The following NRXN1 variants were observed in gnomAD, a reference collection of about 807,000 sequenced individuals.
NRXN1 encodes neurexin-1.
A neutral mutation model predicts 150.9 loss-of-function variants in NRXN1; 39 were observed. The observed-to-expected ratio is 0.26, with a 90% confidence interval of 0.20 to 0.34. The LOEUF (loss-of-function observed/expected upper bound fraction) is 0.34. Among genes scored for constraint, NRXN1 ranks in the 10% least tolerant of loss-of-function variants. The pLI, the probability that NRXN1 is intolerant of heterozygous loss-of-function variation, is 1.00. For synonymous variants in NRXN1, 924 were observed against 757.0 expected (o/e 1.22, Z -3.62); for missense variants, 1,815 against 1,949.9 (o/e 0.93, Z 1.30).
chr2:50,912,413 C>A (rs1684648658), intron 5 of NRXN1, among the ~76,000 whole-genome samples: 1 of 151,708 alleles, frequency 6.6e-6, no homozygotes, highest in Non-Finnish European at 1.5e-5. Context: ...AAAAATTATC[C>A]CCTTGCCAAA....
chr2:50,013,695 G>T (rs1261115285), intron 21 of NRXN1, among the ~76,000 whole-genome samples: 1 of 152,092 alleles, frequency 6.6e-6, no homozygotes. Context: ...AAACCACTTG[G>T]TGGAAAACGT....
At chr2:50,823,604 T>G (rs1216468074) in intron 5 of NRXN1, among the ~76,000 whole-genome samples, 4 of 152,140 alleles carry the variant, frequency 2.6e-5, no homozygotes, top group Non-Finnish European at 5.9e-5. Flanking sequence ...AAAAGTCCTA[T>G]TTTACCTTAA....
rs530048537 is a variant in NRXN1, at chr2:50,778,608, T to C, written c.832+143261A>G. The stretch of plus-strand genomic sequence containing the variant: ...TTAATGAAAGAGACAGAGATGACAT[T>C]TGAGATAATTTTGAATGATTCCTGG... On this transcript the variant is annotated intron_variant, in intron 5 of 22. Transcript: ENST00000401669. Among the ~76,000 whole-genome samples the C allele has an allele frequency of 3.3e-5, 5 of 152,184 alleles. No homozygotes were observed. The East Asian group carries it at 9.7e-4, about 29-fold the overall frequency.
intron 18 of NRXN1, among the ~76,000 whole-genome samples, chr2:50,159,991 G>T (rs2152784525): frequency 6.6e-6 from 1 of 152,160 alleles, no homozygotes; most frequent in East Asian, 1.9e-4. Context: ...AAACAACATT[G>T]TTTTTGTGAC....
At chr2:50,400,839 T>A (rs543494580) in intron 17 of NRXN1, among the ~76,000 whole-genome samples, 1 of 152,186 alleles carries the variant, frequency 6.6e-6, no homozygotes, top group Non-Finnish European at 1.5e-5. Flanking sequence ...AAGATATGAA[T>A]ATGTTTAAGA....
At chr2:50,243,779 T>C (rs1278404373) in intron 17 of NRXN1, among the ~76,000 whole-genome samples, 1 of 151,826 alleles carries the variant, frequency 6.6e-6, no homozygotes, top group Non-Finnish European at 1.5e-5. Context: ...ATTGGAAGTC[T>C]GAAAGCAGAA....
At chr2:49,989,779 T>G (rs1558645415) in intron 21 of NRXN1, among the ~76,000 whole-genome samples, 2 of 152,180 alleles carry the variant, frequency 1.3e-5, no homozygotes, top group Admixed American at 1.3e-4. Context: ...AAGTTATGAT[T>G]GGTAGGAAAG....
chr2:50,506,773 A>C, intron 12 of NRXN1, 156 bp from the exon 13 acceptor site: 1 of 758,056 alleles, frequency 1.3e-6, no homozygotes, highest in Non-Finnish European at 2.0e-6. Context: ...AGAGAAAGGA[A>C]ACAGAGAAGA....
At chr2:51,010,121 T>C (rs1049314231) in intron 2 of NRXN1, among the ~76,000 whole-genome samples, 1 of 152,120 alleles carries the variant, frequency 6.6e-6, no homozygotes, top group Non-Finnish European at 1.5e-5. Context: ...ATGGGTCTCA[T>C]CTTCTGAAAT....
At chr2:50,729,029 T>C (rs1697754355) in intron 5 of NRXN1, among the ~76,000 whole-genome samples, 1 of 152,190 alleles carries the variant, frequency 6.6e-6, no homozygotes, top group South Asian at 2.1e-4. Flanking sequence ...AAAAGAATAA[T>C]ATTATTTTAC....
intron 5 of NRXN1, among the ~76,000 whole-genome samples, chr2:50,902,837 A>G (rs935653907): frequency 1.3e-5 from 2 of 152,184 alleles, no homozygotes; most frequent in Non-Finnish European, 2.9e-5. Flanking sequence ...AGATAAGAAA[A>G]TGCTTTTTAC....
chr2:51,015,829 G>A (rs1668588080), intron 2 of NRXN1, among the ~76,000 whole-genome samples: 1 of 151,462 alleles, frequency 6.6e-6, no homozygotes, highest in African/African-American at 2.4e-5. Flanking sequence ...CTGAAAAATG[G>A]AGCACGTTTT....
chr2:50,660,685 T>G (rs536174758), intron 5 of NRXN1, among the ~76,000 whole-genome samples: 47 of 152,148 alleles, frequency 3.1e-4, no homozygotes, highest in African/African-American at 1.1e-3. Flanking sequence ...GAATGTCTGG[T>G]GCTTGGACTT....
chr2:50,761,646 G>A (rs1701817000), intron 5 of NRXN1, among the ~76,000 whole-genome samples: 1 of 151,822 alleles, frequency 6.6e-6, no homozygotes, highest in Non-Finnish European at 1.5e-5. Flanking sequence ...TGACTGGATT[G>A]AAGGATGTAA....
At chr2:50,991,125 G>C (rs1473648503) in intron 2 of NRXN1, among the ~76,000 whole-genome samples, 1 of 151,938 alleles carries the variant, frequency 6.6e-6, no homozygotes, top group Non-Finnish European at 1.5e-5. Flanking sequence ...ATAAATGGCA[G>C]GTCTGTCATT....
intron 17 of NRXN1, among the ~76,000 whole-genome samples, chr2:50,318,067 A>G (rs1389347350): frequency 6.6e-6 from 1 of 152,114 alleles, no homozygotes; most frequent in Non-Finnish European, 1.5e-5. Context: ...GTCACATACT[A>G]GAAGAATAAA....
intron 18 of NRXN1, among the ~76,000 whole-genome samples, chr2:50,131,904 G>GT (rs1705556241): frequency 9.5e-6 from 1 of 105,574 alleles, no homozygotes; most frequent in Admixed American, 1.1e-4. Context: ...ACACTAGACG[G>GT]TCCAACAGCT....
rs115304235 is a variant in NRXN1 at position 50,577,969 on chromosome 2, T to C, written c.1321-24944A>G. ...TAAAGTCTGACGTGAGTTCCTTAAATTATATTTAAATGTAGATTAAAAGCT... is the reference window on the plus strand; with the variant it reads ...TAAAGTCTGACGTGAGTTCCTTAAACTATATTTAAATGTAGATTAAAAGCT... On this transcript the variant is annotated intron_variant, in intron 8 of 22. Transcript: ENST00000401669. Among the ~76,000 whole-genome samples the C allele has an allele frequency of 4.8e-3, 736 of 152,248 alleles. 6 individuals carry two copies. The highest frequency in any genetic ancestry group is 0.017 in the African/African-American group (698 of 41,566).
At chr2:50,122,428 C>T (rs1181349509) in intron 18 of NRXN1, among the ~76,000 whole-genome samples, 1 of 152,240 alleles carries the variant, frequency 6.6e-6, no homozygotes, top group Non-Finnish European at 1.5e-5. Flanking sequence ...CTCAAGCTGA[C>T]TGGCCAGAAG....
Sources: allele counts gnomAD v4.1 joint callset (sites outside exome capture counted in the v4.1 genomes callset), GRCh38; gene constraint gnomAD v4.1.1; transcripts MANE v1.5; gene names NCBI Gene and HGNC (gene_info 2026-07-23, HGNC 2026-07-21).